SEPTIN9: variants seen among roughly 807,000 people sequenced by gnomAD.
SEPTIN9 encodes septin 9, also known as septin-9.
SEPTIN9 carries 13 observed loss-of-function variants against 56.6 expected under a neutral mutation model. The observed-to-expected ratio is 0.23, with a 90% CI of 0.15 to 0.37. SEPTIN9 has a LOEUF of 0.37. SEPTIN9 is among the 10% of genes least tolerant of loss of function. The probability of loss-of-function intolerance (pLI) is 1.00; values close to 1 mark genes in which losing one functional copy is unlikely to be tolerated. For synonymous variants in SEPTIN9, 332 were observed against 334.1 expected (o/e 0.99, Z 0.07); for missense variants, 650 against 823.1 (o/e 0.79, Z 2.57).
intron 1 of SEPTIN9, among the ~76,000 whole-genome samples, chr17:77,299,679 A>G (rs2031951732): frequency 6.6e-6 from 1 of 152,222 alleles, no homozygotes; most frequent in South Asian, 2.1e-4. Flanking sequence ...CCCACTGGTA[A>G]GCCTTTGCAG....
chr17:77,353,441 G>T (rs34043456), intron 2 of SEPTIN9, among the ~76,000 whole-genome samples: 1 of 152,150 alleles, frequency 6.6e-6, no homozygotes, highest in African/African-American at 2.4e-5. Flanking sequence ...TTCACTTGAG[G>T]ACGGTGGAAC....
intron 4 of SEPTIN9, among the ~76,000 whole-genome samples, chr17:77,486,482 G>C (rs1359763445): frequency 7.1e-6 from 1 of 140,652 alleles, no homozygotes; most frequent in Non-Finnish European, 1.5e-5. Context: ...CTCCGAGTCT[G>C]GAGGGGTGTG....
At chr17:77,491,799 C>G (rs376293047) in intron 8 of SEPTIN9, among the ~76,000 whole-genome samples, 352 of 125,326 alleles carry the variant, frequency 2.8e-3, no homozygotes, top group African/African-American at 0.012. Context: ...GAGCGAGACT[C>G]CATCTCAAAA....
At position 77,329,215 on chromosome 17, in the gene SEPTIN9, G is replaced by A. The variant is rs1249738398; in HGVS notation, c.76+22018G>A. Among the ~76,000 whole-genome samples the A allele has an allele frequency of 6.6e-6, 1 of 152,228 alleles. No homozygotes were observed. The highest frequency in any genetic ancestry group is 2.4e-5 in the African/African-American group (1 of 41,476). On this transcript the variant is annotated intron_variant, in intron 2 of 11. Coordinates refer to ENST00000427177, the MANE Select transcript of SEPTIN9 (RefSeq NM_001113491.2). This position sits in a 1 kb window ranked among gnomAD's most constrained non-coding sequence, Gnocchi z 4.3. ...CAGGGGCAGGCAGGGAGGCCTGCTAGGGAGGAGGCTGCTGCAGGCCCTGCA... is the reference window on the plus strand; with the variant it reads ...CAGGGGCAGGCAGGGAGGCCTGCTAAGGAGGAGGCTGCTGCAGGCCCTGCA...
At chr17:77,342,026 T>G (rs1415992589) in intron 2 of SEPTIN9, among the ~76,000 whole-genome samples, 1 of 147,336 alleles carries the variant, frequency 6.8e-6, no homozygotes, top group Non-Finnish European at 1.5e-5. Flanking sequence ...GAGCTTGCAG[T>G]GAGCCGAGAT....
chr17:77,342,080 A>G (rs1270416308), intron 2 of SEPTIN9, among the ~76,000 whole-genome samples: 1 of 151,976 alleles, frequency 6.6e-6, no homozygotes, highest in East Asian at 1.9e-4. Flanking sequence ...GTCTCAAAAA[A>G]AAAAAAACAA....
intron 2 of SEPTIN9, among the ~76,000 whole-genome samples, chr17:77,388,231 G>C (rs544722761): frequency 6.6e-6 from 1 of 152,296 alleles, no homozygotes; most frequent in African/African-American, 2.4e-5. Flanking sequence ...AGGGGCCCCG[G>C]CTGAGTCCGA....
At chr17:77,390,121 G>A (rs1002852033) in intron 2 of SEPTIN9, among the ~76,000 whole-genome samples, 3 of 151,926 alleles carry the variant, frequency 2.0e-5, no homozygotes, top group East Asian at 3.9e-4. Context: ...CCCTGTGAGC[G>A]GTGGCCTCCT....
chr17:77,367,795 G>A lies in SEPTIN9; in HGVS notation c.77-34264G>A, dbSNP rs1280561179. On this transcript the variant is annotated intron_variant, in intron 2 of 11. Transcript: ENST00000427177. The surrounding 1 kb of genome is among the most constrained non-coding windows in gnomAD (Gnocchi z 4.5). ...CACGCCACTACACTACAGCCCGGGC[G>A]ACAGAGTGAGACTGTCTAAAATAAT... 1.3e-5 allele frequency among the ~76,000 whole-genome samples: 2 copies of A among 152,068 alleles called. No individual in the cohort carries two copies. The highest frequency in any genetic ancestry group is 3.8e-4 in the East Asian group (2 of 5,200).
At chr17:77,281,579 A>AG (rs1040591186) in intron 1 of SEPTIN9, 25 bp downstream of exon 1, 4 of 1,534,618 alleles carry the variant, frequency 2.6e-6, no homozygotes, top group South Asian at 2.4e-5. Flanking sequence ...CGGGGTGGGG[A>AG]GGGGTCGGTG....
chr17:77,315,473 A>T (rs375944973), intron 2 of SEPTIN9, among the ~76,000 whole-genome samples: 2 of 152,174 alleles, frequency 1.3e-5, no homozygotes, highest in East Asian at 3.9e-4. Flanking sequence ...TTTTTAGTAG[A>T]GACGGGGTTT....
chr17:77,348,457 G>A (rs1199180499), intron 2 of SEPTIN9, among the ~76,000 whole-genome samples: 1 of 151,662 alleles, frequency 6.6e-6, no homozygotes, highest in African/African-American at 2.4e-5. Context: ...CTGCCACCAC[G>A]GCCGGCTAAT....
intron 2 of SEPTIN9, among the ~76,000 whole-genome samples, chr17:77,354,902 T>C (rs916698729): frequency 6.6e-6 from 1 of 152,032 alleles, no homozygotes; most frequent in African/African-American, 2.4e-5. Context: ...GCCCGAGCAC[T>C]GCTCTTTTAC....
intron 2 of SEPTIN9, among the ~76,000 whole-genome samples, chr17:77,346,710 C>G (rs1476937751): frequency 2.0e-5 from 3 of 152,120 alleles, no homozygotes; most frequent in African/African-American, 7.2e-5. Context: ...TACCAGTGTT[C>G]TTCAGATTAT....
Position 77,436,967 on chromosome 17 carries a change from G to T in SEPTIN9, c.721+34264G>T, listed in dbSNP as rs1368314970. Among the ~76,000 whole-genome samples the T allele has an allele frequency of 6.6e-6, 1 of 152,226 alleles. No homozygotes were observed. The highest frequency in any genetic ancestry group is 6.5e-5 in the Admixed American group (1 of 15,288). On this transcript the variant is annotated intron_variant, in intron 3 of 11. Coordinates refer to ENST00000427177, the MANE Select transcript of SEPTIN9 (RefSeq NM_001113491.2). This position sits in a 1 kb window ranked among gnomAD's most constrained non-coding sequence, Gnocchi z 4.4. ...GAAGATGCAGGACACAGATTCACGC[G>T]ATTGTGCAGATCACCTGGCCTCACT...
chr17:77,353,921 C>T (rs1167978813), intron 2 of SEPTIN9, among the ~76,000 whole-genome samples: 1 of 152,164 alleles, frequency 6.6e-6, no homozygotes, highest in Non-Finnish European at 1.5e-5. Context: ...CACACATGCA[C>T]AAGAACACGA....
rs138933122 is a variant in SEPTIN9, at chr17:77,396,558, C to T, written c.77-5501C>T. Among the ~76,000 whole-genome samples, 857 of 149,806 alleles carry T rather than the reference C, an allele frequency of 5.7e-3. 5 individuals carry two copies. The highest frequency in any genetic ancestry group is 0.021 in the African/African-American group (823 of 39,366). ...GCCGGTTCCACTGTGAGGATGGTGG[C>T]AGGGGGCTTCCCAGGAGGCCTGCAC... On this transcript the variant is annotated intron_variant, in intron 2 of 11. Coordinates refer to ENST00000427177, the MANE Select transcript of SEPTIN9 (RefSeq NM_001113491.2).
intron 8 of SEPTIN9, among the ~76,000 whole-genome samples, chr17:77,491,422 C>A (rs1358269649): frequency 1.3e-5 from 2 of 151,764 alleles, no homozygotes; most frequent in African/African-American, 2.4e-5. Context: ...GGTCTCTAAC[C>A]CTTGGGCTCA....
In SEPTIN9 at chr17:77,402,429, G is replaced by T; in HGVS notation, c.447G>T (p.Arg149Ser). 6.2e-7 allele frequency: 1 copy of T among 1,610,904 alleles called. No individual in the cohort carries two copies. Among genetic ancestry groups the T allele is most frequent in the Non-Finnish European group, 8.5e-7 (1 of 1,179,000 alleles). ...AGACGCCAGAACCGGCCCCTCGGAGGACGGAGATCACCATCGTCAAACCCC... is the reference window on the plus strand; with the variant it reads ...AGACGCCAGAACCGGCCCCTCGGAGTACGGAGATCACCATCGTCAAACCCC... ...GHKTPEPAPR[R>S]TEITIVKPQE... The change falls in exon 3 of 12, where the codon AGG becomes AGT. Residue 149 changes from arginine to serine, a missense_variant. Arg to Ser is a moderately radical substitution (Grantham distance 110). Around this residue, in one of 2 missense-constraint regions of SEPTIN9, gnomAD observed 317 missense variants for 329.1 expected, o/e 0.96. Transcript: ENST00000427177. This position sits in a 1 kb window ranked among gnomAD's most constrained non-coding sequence, Gnocchi z 6.6.
Sources: allele counts gnomAD v4.1 joint callset (sites outside exome capture counted in the v4.1 genomes callset), GRCh38; gene constraint gnomAD v4.1.1; regional missense constraint gnomAD v4.1.1; non-coding constraint Gnocchi (gnomAD v3.1); transcripts MANE v1.5; gene names NCBI Gene and HGNC (gene_info 2026-07-23, HGNC 2026-07-21).